Variants in ATRX observed in about 807,000 individuals in gnomAD.
ATRX encodes the protein chromatin remodeler ATRX.
A neutral mutation model predicts 172.6 loss-of-function variants in ATRX; 12 were observed. The observed-to-expected ratio is 0.07, with a 90% CI of 0.04 to 0.11. The LOEUF (loss-of-function observed/expected upper bound fraction) is 0.11. Among genes scored for constraint, ATRX ranks in the 10% least tolerant of loss-of-function variants. The probability of loss-of-function intolerance (pLI) is 1.00; values close to 1 mark genes in which losing one functional copy is unlikely to be tolerated. For synonymous variants in ATRX, 674 were observed against 594.7 expected (o/e 1.13, Z -1.94); for missense variants, 1,368 against 1,767.4 (o/e 0.77, Z 4.05).
intron 9 of ATRX, among the ~76,000 whole-genome samples, chrX:77,677,665 A>ATTT (rs10710622): frequency 1.0e-5 from 1 of 98,705 alleles, no homozygotes; most frequent in Non-Finnish European, 2.0e-5. Context: ...ACCTCCCTGT[A>ATTT]TTTTTTTTTT....
In ATRX at chrX:77,652,263, AATC is replaced by A; in HGVS notation, c.4405_4407del (p.Asp1469del). Reference sequence around the variant, plus strand: ...TTTCTGCCTTTTCCAGGAGACTTGGAATCATCATTTTCATCTTCCTCCTCCTCT... The same window carrying A: ...TTTCTGCCTTTTCCAGGAGACTTGGAATCATTTTCATCTTCCTCCTCCTCT... On this transcript the variant is annotated inframe_deletion, in exon 15 of 35. Transcript: ENST00000373344. 5 of 1,209,473 alleles carry A rather than the reference AATC, an allele frequency of 4.1e-6. No individual in the cohort carries two copies. The highest frequency in any genetic ancestry group is 5.6e-6 in the Non-Finnish European group (5 of 895,171).
chrX:77,693,401 A>C (rs1432350215), intron 6 of ATRX, among the ~76,000 whole-genome samples: 2 of 112,067 alleles, frequency 1.8e-5, no homozygotes, highest in Non-Finnish European at 3.8e-5. Flanking sequence ...GAGTGGAGTC[A>C]AGGGACTTGC....
intron 19 of ATRX, among the ~76,000 whole-genome samples, chrX:77,622,960 A>G (rs1378643705): frequency 2.7e-5 from 3 of 110,859 alleles, no homozygotes; most frequent in African/African-American, 9.9e-5. Flanking sequence ...AAAGTCCGAA[A>G]GAGCACAAAC....
intron 10 of ATRX, among the ~76,000 whole-genome samples, chrX:77,667,644 A>C (rs1557127132): frequency 1.8e-5 from 2 of 111,839 alleles, no homozygotes; most frequent in Non-Finnish European, 3.8e-5. Flanking sequence ...TAAAAAACGG[A>C]AAGTCACAAT....
intron 1 of ATRX, among the ~76,000 whole-genome samples, chrX:77,772,926 C>A (rs1490830515): frequency 9.6e-6 from 1 of 104,384 alleles, no homozygotes; most frequent in African/African-American, 3.5e-5. Context: ...TAGCTCACTG[C>A]AGCCTCAGAC....
Position 77,651,856 on chromosome X carries a change from C to T in ATRX, c.4557+258G>A, listed in dbSNP as rs1400080617. ...CCTGGGTAACAGAGCCAGACTCCGT[C>T]TAAAAAAAAGAAATCTGTGGTAGAT... On this transcript the variant is annotated intron_variant, in intron 15 of 34. Transcript: ENST00000373344. 2.9e-5 allele frequency: 10 copies of T among 348,858 alleles called. No homozygotes were observed. The Admixed American group carries it at 5.0e-4, about 17-fold the overall frequency. The allele number at this position is 348,858 out of a possible 1,213,427, so 28.7% of individuals were successfully genotyped here. A position where few individuals can be genotyped will look rare whatever the true frequency, so the allele number is the denominator to read the frequency against.
At chrX:77,715,358 T>G (rs1309538254) in intron 2 of ATRX, among the ~76,000 whole-genome samples, 1 of 111,956 alleles carries the variant, frequency 8.9e-6, no homozygotes, top group African/African-American at 3.2e-5. Context: ...CACAGGTTTG[T>G]AGCCTATGAG....
chrX:77,638,183 G>C (rs1958288033), intron 15 of ATRX, among the ~76,000 whole-genome samples: 1 of 111,509 alleles, frequency 9.0e-6, no homozygotes, highest in African/African-American at 3.3e-5. Context: ...TCAACTTAAG[G>C]CCGGGCACGG....
intron 1 of ATRX, among the ~76,000 whole-genome samples, chrX:77,760,478 G>C (rs1432775414): frequency 2.7e-5 from 2 of 74,746 alleles, no homozygotes; most frequent in Admixed American, 1.6e-4. Context: ...TGGGGGGAGG[G>C]GGGAGGGGGG....
intron 9 of ATRX, 64 bp downstream of exon 9, chrX:77,681,456 A>G (rs1451441694): frequency 5.7e-6 from 6 of 1,049,102 alleles, no homozygotes; most frequent in South Asian, 3.8e-5. Flanking sequence ...AGAGGAAATT[A>G]AACAATGTAG....
rs2071282891 is a variant in ATRX, at chrX:77,682,599, T to C, written c.2657A>G (p.Glu886Gly). 1 of 1,210,133 alleles carries C rather than the reference T, an allele frequency of 8.3e-7. No individual in the cohort carries two copies. Among genetic ancestry groups the C allele is most frequent in the Non-Finnish European group, 1.1e-6 (1 of 894,801 alleles). Residue 886 changes from glutamate to glycine, a missense_variant, in exon 9 of 35, where the codon GAG (glutamate) becomes GGG (glycine). This residue lies in a region of ATRX where 843 missense variants were observed against 643.1 expected (regional missense o/e 1.31). Transcript: ENST00000373344. Reference sequence around the variant, plus strand: ...TGTGCCTTCTGCTGAAGAGAAAGTCTCTCTCTCTTGTTTTCTTTCAGCATC... The same window carrying C: ...TGTGCCTTCTGCTGAAGAGAAAGTCCCTCTCTCTTGTTTTCTTTCAGCATC... ...SDDAERKQERETFSSAEGTVD... is the reference protein window; with the variant it reads ...SDDAERKQERGTFSSAEGTVD...
intron 34 of ATRX, among the ~76,000 whole-genome samples, chrX:77,517,328 T>A (rs781904965): frequency 9.0e-5 from 10 of 110,875 alleles, no homozygotes; most frequent in Non-Finnish European, 1.9e-4. Flanking sequence ...AAATCAGAGA[T>A]CAAAAAGTAG....
intron 1 of ATRX, among the ~76,000 whole-genome samples, chrX:77,774,576 C>T (rs2076282769): frequency 9.1e-6 from 1 of 110,366 alleles, no homozygotes; most frequent in Admixed American, 9.7e-5. Flanking sequence ...ACTCGGGAGG[C>T]TGAGGCAGGA....
chrX:77,600,265 A>G (rs1557086448), intron 23 of ATRX, among the ~76,000 whole-genome samples, 169 bp downstream of exon 23: 1 of 112,037 alleles, frequency 8.9e-6, no homozygotes, highest in Non-Finnish European at 1.9e-5. Context: ...ATAAAATAAC[A>G]TTTAACACTC....
chrX:77,764,944 G>C (rs1404374010), intron 1 of ATRX, among the ~76,000 whole-genome samples: 1 of 111,903 alleles, frequency 8.9e-6, no homozygotes, highest in Non-Finnish European at 1.9e-5. Context: ...CACAGGCCGA[G>C]GCAGGTGGAT....
intron 1 of ATRX, among the ~76,000 whole-genome samples, chrX:77,740,870 C>A (rs1451882270): frequency 9.0e-6 from 1 of 110,842 alleles, no homozygotes; most frequent in African/African-American, 3.3e-5. Context: ...AATCCCAGCC[C>A]TTTGGGAGGC....
chrX:77,509,696 C>G (rs1218522420), intron 34 of ATRX, among the ~76,000 whole-genome samples: 2 of 111,089 alleles, frequency 1.8e-5, no homozygotes, highest in Admixed American at 1.9e-4. Context: ...AAAGAAACAC[C>G]AGGCAGAACT....
chrX:77,634,569 T>C (rs782269177), intron 17 of ATRX, 25 bp downstream of exon 17: 12 of 1,129,083 alleles, frequency 1.1e-5, no homozygotes, highest in Admixed American at 6.5e-5. Context: ...AAAAACAGGA[T>C]ACCTTCATAT....
chrX:77,582,742 T>C (rs2065871429), intron 27 of ATRX, among the ~76,000 whole-genome samples: 1 of 111,613 alleles, frequency 9.0e-6, no homozygotes, highest in East Asian at 2.8e-4. Flanking sequence ...TGGAAAACTT[T>C]AGAAGAAATG....
Sources: allele counts gnomAD v4.1 joint callset (sites outside exome capture counted in the v4.1 genomes callset), GRCh38; gene constraint gnomAD v4.1.1; regional missense constraint gnomAD v4.1.1; transcripts MANE v1.5; gene names NCBI Gene and HGNC (gene_info 2026-07-23, HGNC 2026-07-21).